The following AFG2A variants were observed in gnomAD, a reference collection of about 807,000 sequenced individuals.
AFG2A encodes AAA ATPase AFG2A, also known as ATPase family gene 2 protein homolog A.
At chr4:123,308,861 A>C in the AFG2A span, among the ~76,000 whole-genome samples, 14 of 152,192 alleles carry the variant, frequency 9.2e-5, no homozygotes, top group African/African-American at 2.9e-4. Flanking sequence ...AGCACAAGTA[A>C]GTGCTTTGGC....
At chr4:123,249,267 GA>G in the AFG2A span, among the ~76,000 whole-genome samples, 1 of 152,280 alleles carries the variant, frequency 6.6e-6, no homozygotes, top group South Asian at 2.1e-4. Context: ...AAATATGTGC[GA>G]AAACAGGGAG....
the AFG2A span, among the ~76,000 whole-genome samples, chr4:123,020,556 G>T: frequency 1.1e-4 from 16 of 151,774 alleles, no homozygotes; most frequent in Admixed American, 1.1e-3. Context: ...TTTAGTAGAG[G>T]CGGGGTTTCA....
the AFG2A span, among the ~76,000 whole-genome samples, chr4:123,128,161 C>G: frequency 6.6e-6 from 1 of 152,140 alleles, no homozygotes; most frequent in Non-Finnish European, 1.5e-5. Context: ...TTGTGTTCCA[C>G]AAATGATACC....
the AFG2A span, among the ~76,000 whole-genome samples, chr4:123,053,133 T>C: frequency 1.3e-5 from 2 of 152,190 alleles, no homozygotes. Flanking sequence ...AGTGTTAATC[T>C]CCTCCGGCAA....
the AFG2A span, chr4:122,927,801 A>C: frequency 3.7e-6 from 6 of 1,602,196 alleles, no homozygotes; most frequent in African/African-American, 6.7e-5. Flanking sequence ...ATACAAACTG[A>C]ACATTGCAAA....
the AFG2A span, among the ~76,000 whole-genome samples, chr4:123,094,162 A>T: frequency 3.3e-5 from 5 of 152,118 alleles, no homozygotes; most frequent in South Asian, 2.1e-4. Flanking sequence ...TCATCAGGGG[A>T]TCTTTCTTTT....
At chr4:123,001,193 CT>C in the AFG2A span, among the ~76,000 whole-genome samples, 3 of 151,094 alleles carry the variant, frequency 2.0e-5, no homozygotes, top group East Asian at 4.0e-4. Flanking sequence ...ATTCTTCTCT[CT>C]TTTTTTCTTT....
the AFG2A span, among the ~76,000 whole-genome samples, chr4:123,011,829 CAG>C: frequency 9.9e-5 from 15 of 151,448 alleles, no homozygotes; most frequent in Non-Finnish European, 1.9e-4. Flanking sequence ...AGGGTAGAGA[CAG>C]AGTGAAGGGG....
the AFG2A span, among the ~76,000 whole-genome samples, chr4:123,177,501 G>A: frequency 8.5e-5 from 13 of 152,160 alleles, no homozygotes; most frequent in South Asian, 6.2e-4. Flanking sequence ...GTGAGCCACC[G>A]TGCTGGCCAG....
chr4:123,232,299 A>G, the AFG2A span, among the ~76,000 whole-genome samples: 18 of 152,136 alleles, frequency 1.2e-4, no homozygotes, highest in South Asian at 2.3e-3. Context: ...CAACTTTTAA[A>G]TTTAGCCAGA....
At chr4:123,141,442 T>A in the AFG2A span, among the ~76,000 whole-genome samples, 1 of 152,224 alleles carries the variant, frequency 6.6e-6, no homozygotes, top group Middle Eastern at 3.4e-3. Context: ...CCAGTCTGGG[T>A]GACAGAGCGA....
chr4:123,199,506 C>T, the AFG2A span, among the ~76,000 whole-genome samples: 1 of 108,980 alleles, frequency 9.2e-6, no homozygotes, highest in African/African-American at 3.6e-5. Context: ...GAGCCTTGCT[C>T]TGTCGCCCAG....
At chr4:123,211,520 G>A in the AFG2A span, among the ~76,000 whole-genome samples, 1 of 152,140 alleles carries the variant, frequency 6.6e-6, no homozygotes, top group South Asian at 2.1e-4. Flanking sequence ...ATTTTATAGT[G>A]CTGTCACAAC....
At chr4:123,255,888 G>C in the AFG2A span, 3 of 1,081,928 alleles carry the variant, frequency 2.8e-6, no homozygotes, top group Non-Finnish European at 3.9e-6. Context: ...TCTGGTACTT[G>C]TTTTATTTAC....
the AFG2A span, among the ~76,000 whole-genome samples, chr4:122,940,592 C>G: frequency 4.6e-5 from 7 of 152,280 alleles, no homozygotes; most frequent in East Asian, 1.3e-3. Context: ...TCCCTGTTCA[C>G]TCTGATGGTA....
the AFG2A span, among the ~76,000 whole-genome samples, chr4:123,059,731 T>C: frequency 1.3e-5 from 2 of 151,548 alleles, no homozygotes; most frequent in East Asian, 3.9e-4. Flanking sequence ...ATCGCCACAC[T>C]GACTTCCACA....
the AFG2A span, among the ~76,000 whole-genome samples, chr4:123,123,824 C>T: frequency 2.7e-4 from 40 of 148,260 alleles, no homozygotes; most frequent in African/African-American, 7.1e-4. Context: ...TGGTGGCGCG[C>T]GCCTGTAGTC....
At chr4:123,085,135 G>C in the AFG2A span, among the ~76,000 whole-genome samples, 2 of 152,042 alleles carry the variant, frequency 1.3e-5, no homozygotes, top group Non-Finnish European at 2.9e-5. Context: ...CAAGAATGTG[G>C]TCTATCTTGA....
chr4:123,139,000 A>G, the AFG2A span, among the ~76,000 whole-genome samples: 3 of 152,084 alleles, frequency 2.0e-5, no homozygotes, highest in African/African-American at 7.2e-5. Context: ...TCCACCTAAA[A>G]TGTTCCTATT....
Sources: gnomAD v4.1 joint callset for allele counts (sites outside exome capture counted in the v4.1 genomes callset) on GRCh38, gnomAD v4.1.1 for gene constraint, MANE v1.5 for transcripts, NCBI Gene and HGNC (gene_info 2026-07-23, HGNC 2026-07-21) for gene names.